The following ATP6V1E1 variants were observed in gnomAD, a reference collection of about 807,000 sequenced individuals.
ATP6V1E1 encodes the protein ATPase H+ transporting V1 subunit E1.
ATP6V1E1 carries 21 observed loss-of-function variants against 35.2 expected under a neutral mutation model. That is an observed-to-expected ratio of 0.60 (90% confidence interval 0.42 to 0.86). ATP6V1E1 has a LOEUF of 0.86. ATP6V1E1 is among the 40% of genes least tolerant of loss of function. ATP6V1E1 has a pLI of 0.00. For synonymous variants in ATP6V1E1, 83 were observed against 87.8 expected (o/e 0.95, Z 0.30); for missense variants, 183 against 272.6 (o/e 0.67, Z 2.32).
chr22:17,619,558 C>A (rs888573501), intron 1 of ATP6V1E1, 32 bp from the exon 2 acceptor site: 3 of 1,482,396 alleles, frequency 2.0e-6, no homozygotes, highest in South Asian at 2.5e-5. Context: ...TTTTTTAGTT[C>A]AAAAATATGG....
chr22:17,605,033 T>C (rs1042965170), intron 4 of ATP6V1E1, among the ~76,000 whole-genome samples: 1 of 149,580 alleles, frequency 6.7e-6, no homozygotes, highest in Non-Finnish European at 1.5e-5. Context: ...TTGGCCAACA[T>C]GGTGAAACCC....
intron 1 of ATP6V1E1, among the ~76,000 whole-genome samples, chr22:17,625,353 G>A (rs1311256615): frequency 6.6e-6 from 1 of 152,042 alleles, no homozygotes; most frequent in Non-Finnish European, 1.5e-5. Flanking sequence ...GCAACCTCTG[G>A]GTTCAAGCGA....
At chr22:17,616,610 C>T (rs1346713490) in intron 2 of ATP6V1E1, among the ~76,000 whole-genome samples, 3 of 129,156 alleles carry the variant, frequency 2.3e-5, no homozygotes, top group African/African-American at 6.0e-5. Context: ...ACTCGGGAGG[C>T]GGAGGTTGTG....
At chr22:17,602,512 C>T (rs1286055140) in intron 4 of ATP6V1E1, among the ~76,000 whole-genome samples, 1 of 151,954 alleles carries the variant, frequency 6.6e-6, no homozygotes, top group Non-Finnish European at 1.5e-5. Flanking sequence ...GTGGCTGGGA[C>T]TACAGGCGCA....
chr22:17,628,719 C>G lies in ATP6V1E1; in HGVS notation c.-84G>C, dbSNP rs374743508. 3 of 1,577,170 alleles carry G rather than the reference C, an allele frequency of 1.9e-6. No individual in the cohort carries two copies. Among genetic ancestry groups the G allele is most frequent in the Non-Finnish European group, 2.6e-6 (3 of 1,147,116 alleles). On this transcript the variant is annotated 5_prime_UTR_variant, in exon 1 of 9. Coordinates refer to ENST00000253413, the MANE Select transcript of ATP6V1E1 (RefSeq NM_001696.4). ...GTGAGAGAAATCGGCAAAGGGAACC[C>G]CTGCGCAGATCTCGGGTTCCTTTAC...
intron 2 of ATP6V1E1, among the ~76,000 whole-genome samples, chr22:17,615,726 C>T (rs2057840689): frequency 6.6e-6 from 1 of 152,010 alleles, no homozygotes. Context: ...GGTGAAACCC[C>T]ATCTCTACTA....
In ATP6V1E1 at chr22:17,592,800, CTTTTTTTT is replaced by C. The variant is rs150344720; in HGVS notation, c.619-72_619-65del. On this transcript the variant is annotated intron_variant, in intron 8 of 8. Coordinates refer to ENST00000253413, the MANE Select transcript of ATP6V1E1 (RefSeq NM_001696.4). ...GAAGAAGTTGTAGAGCGCTGCACAT[CTTTTTTTT>C]TTTTTTTTTTTTGAGACGGAGTCTC... 35 of 720,860 alleles carry C rather than the reference CTTTTTTTT, an allele frequency of 4.9e-5. No homozygotes were observed. In the African/African-American group the frequency reaches 5.5e-4, roughly 11 times the overall value. The allele number at this position is 720,860 out of a possible 1,614,324, so 44.7% of individuals were successfully genotyped here.
At chr22:17,609,794 C>T (rs1184567555) in intron 4 of ATP6V1E1, among the ~76,000 whole-genome samples, 2 of 152,012 alleles carry the variant, frequency 1.3e-5, no homozygotes, top group African/African-American at 4.8e-5. Context: ...ATATCCTCCA[C>T]CTCAAAATTT....
intron 7 of ATP6V1E1, among the ~76,000 whole-genome samples, chr22:17,597,261 G>A (rs1331615730): frequency 6.7e-6 from 1 of 149,196 alleles, no homozygotes; most frequent in African/African-American, 2.5e-5. Context: ...AAAAAAAAGT[G>A]TCCAAGGTAC....
chr22:17,620,522 G>C (rs1568893738), intron 1 of ATP6V1E1, among the ~76,000 whole-genome samples: 1 of 150,974 alleles, frequency 6.6e-6, no homozygotes, highest in African/African-American at 2.5e-5. Flanking sequence ...GTCTCCTTTG[G>C]GGCCATACTC....
intron 4 of ATP6V1E1, among the ~76,000 whole-genome samples, chr22:17,601,822 G>A (rs144367475): frequency 0.01 from 1,530 of 152,284 alleles, 21 homozygotes; most frequent in African/African-American, 0.034. Context: ...GGCCAGGCTC[G>A]TCTCTAACTC....
chr22:17,609,492 G>A (rs1388496801), intron 4 of ATP6V1E1, among the ~76,000 whole-genome samples: 3 of 110,732 alleles, frequency 2.7e-5, no homozygotes, highest in African/African-American at 7.3e-5. Flanking sequence ...TTTTTGAGAC[G>A]GAGTCTGGCT....
Position 17,592,542 on chromosome 22 carries a change from G to T in ATP6V1E1, c.*132C>A. On this transcript the variant is annotated 3_prime_UTR_variant, in exon 9 of 9. Transcript: ENST00000253413. ...TAGGCAAGGCATGAGTGACAGAGGGGCATCGCTGATAAATACAGAGCAATA... is the reference window on the plus strand; with the variant it reads ...TAGGCAAGGCATGAGTGACAGAGGGTCATCGCTGATAAATACAGAGCAATA... 1 of 912,078 alleles carries T rather than the reference G, an allele frequency of 1.1e-6. No homozygotes were observed. The highest frequency in any genetic ancestry group is 1.8e-6 in the Non-Finnish European group (1 of 571,214). The allele number at this position is 912,078 out of a possible 1,614,324, so 56.5% of individuals were successfully genotyped here.
At chr22:17,617,958 C>T (rs1203509324) in intron 2 of ATP6V1E1, among the ~76,000 whole-genome samples, 6 of 152,162 alleles carry the variant, frequency 3.9e-5, no homozygotes, top group Non-Finnish European at 8.8e-5. Flanking sequence ...GACAGGCACA[C>T]ACCACCATGC....
chr22:17,610,275 G>C (rs1469270390), intron 4 of ATP6V1E1, among the ~76,000 whole-genome samples: 2 of 151,936 alleles, frequency 1.3e-5, no homozygotes, highest in Non-Finnish European at 2.9e-5. Context: ...TAAACAAGTG[G>C]ATTAAAAAAT....
intron 2 of ATP6V1E1, among the ~76,000 whole-genome samples, chr22:17,615,036 C>T (rs1001497114): frequency 1.3e-5 from 2 of 152,086 alleles, no homozygotes; most frequent in Admixed American, 6.6e-5. Context: ...GGCGCCATGG[C>T]TCACGCCTAT....
chr22:17,606,691 T>A (rs911188147), intron 4 of ATP6V1E1, among the ~76,000 whole-genome samples: 5 of 152,278 alleles, frequency 3.3e-5, no homozygotes, highest in Non-Finnish European at 7.4e-5. Context: ...TGCCTTCAGC[T>A]CCTCACCTCA....
At chr22:17,610,814 T>C (rs34919116) in intron 4 of ATP6V1E1, among the ~76,000 whole-genome samples, 18,863 of 152,194 alleles carry the variant, frequency 0.12, 1,607 homozygotes, top group Non-Finnish European at 0.18. Context: ...AGGCCTATTA[T>C]TAGAAGGAAG....
In ATP6V1E1 at chr22:17,612,786, A is replaced by G. The variant is rs539168751; in HGVS notation, c.276+26T>C. 34 of 1,515,190 alleles carry G rather than the reference A, an allele frequency of 2.2e-5. No homozygotes were observed. The East Asian group carries it at 6.1e-4, about 27-fold the overall frequency. The allele number at this position is 1,515,190 out of a possible 1,614,324, so 93.9% of individuals were successfully genotyped here. On this transcript the variant is annotated intron_variant, in intron 4 of 8. Coordinates refer to ENST00000253413, the MANE Select transcript of ATP6V1E1 (RefSeq NM_001696.4). ...AAATGAATAAACATGTAATAATTTTATAACTAATAGGGGCTAATTACTCAC... is the reference window on the plus strand; with the variant it reads ...AAATGAATAAACATGTAATAATTTTGTAACTAATAGGGGCTAATTACTCAC...
Sources: gnomAD v4.1 joint callset for allele counts (sites outside exome capture counted in the v4.1 genomes callset) on GRCh38, gnomAD v4.1.1 for gene constraint, MANE v1.5 for transcripts, NCBI Gene and HGNC (gene_info 2026-07-23, HGNC 2026-07-21) for gene names.